The following GGACT variants were observed in gnomAD, a reference collection of about 807,000 sequenced individuals.
The protein encoded by GGACT is gamma-glutamylaminecyclotransferase.
For synonymous variants in GGACT, 118 were observed against 115.3 expected (o/e 1.02, Z -0.15); for missense variants, 241 against 233.2 (o/e 1.03, Z -0.22).
At chr13:100,586,783 A>C (rs922095619) in intron 1 of GGACT, 2 of 152,342 alleles carry the variant, frequency 1.3e-5, no homozygotes, top group Admixed American at 1.3e-4. Flanking sequence ...AATCCCAGAG[A>C]CTTCCAATAG....
At chr13:100,561,343 T>G (rs532981470) in intron 2 of GGACT, among the ~76,000 whole-genome samples, 3 of 152,358 alleles carry the variant, frequency 2.0e-5, no homozygotes, top group East Asian at 1.9e-4. Context: ...GAATTATTTC[T>G]CAATAAAGCA....
At chr13:100,533,261 G>C (rs1226370892) in intron 2 of GGACT, 1 of 154,588 alleles carries the variant, frequency 6.5e-6, no homozygotes, top group African/African-American at 2.4e-5. Flanking sequence ...AACTACCCCT[G>C]CTCCTGAGCC....
chr13:100,562,991 T>A (rs1021962754), intron 2 of GGACT, among the ~76,000 whole-genome samples: 1 of 152,042 alleles, frequency 6.6e-6, no homozygotes, highest in Non-Finnish European at 1.5e-5. Flanking sequence ...GCAAGCAGAC[T>A]CCACACAATC....
At chr13:100,551,033 CCAGCA>C (rs1594188713) in intron 2 of GGACT, among the ~76,000 whole-genome samples, 2 of 152,250 alleles carry the variant, frequency 1.3e-5, no homozygotes, top group African/African-American at 4.8e-5. Context: ...GCCTGTAATT[CCAGCA>C]CTTTGGGAGG....
intron 2 of GGACT, among the ~76,000 whole-genome samples, chr13:100,573,897 A>C (rs1189744978): frequency 6.6e-6 from 1 of 151,900 alleles, no homozygotes; most frequent in Middle Eastern, 3.4e-3. Flanking sequence ...AAAAAAAAAA[A>C]AAACATGCTG....
intron 2 of GGACT, among the ~76,000 whole-genome samples, chr13:100,553,059 C>G (rs1176632835): frequency 1.3e-5 from 2 of 152,140 alleles, no homozygotes; most frequent in Non-Finnish European, 2.9e-5. Flanking sequence ...TGCCAGCAGG[C>G]AGGGCGAGGC....
intron 2 of GGACT, among the ~76,000 whole-genome samples, chr13:100,578,145 G>A (rs1180069010): frequency 6.6e-6 from 1 of 152,122 alleles, no homozygotes; most frequent in Non-Finnish European, 1.5e-5. Context: ...GGAAATGTCC[G>A]AACACCAAGT....
rs942672053 is a variant in GGACT at position 100,532,229 on chromosome 13, C to G, written c.363G>C (p.Arg121Ser). The change falls in exon 3 of 3, where the codon AGG becomes AGC. Residue 121 changes from arginine to serine, a missense_variant. Coordinates refer to ENST00000683975, the MANE Select transcript of GGACT (RefSeq NM_001195087.2). ...GGGCCCACTCCGGCGGGAAGGTGGC[C>G]CTGCTGTACACGAAGCACTGCACCG... ...PTAVQCFVYS[R>S]ATFPPEWAQL... is the part of the protein sequence containing the mutation. The G allele has an allele frequency of 1.3e-6, 2 of 1,491,870 alleles. No individual in the cohort carries two copies. The highest frequency in any genetic ancestry group is 1.8e-6 in the Non-Finnish European group (2 of 1,113,774). The allele number at this position is 1,491,870 out of a possible 1,614,324, so 92.4% of individuals were successfully genotyped here.
intron 1 of GGACT, among the ~76,000 whole-genome samples, chr13:100,586,005 G>C (rs531458365): frequency 6.6e-6 from 1 of 152,088 alleles, no homozygotes; most frequent in Non-Finnish European, 1.5e-5. Flanking sequence ...AAATAAAAAG[G>C]TAACAGTCAA....
At chr13:100,568,218 C>CT (rs1167976135) in intron 2 of GGACT, among the ~76,000 whole-genome samples, 6 of 152,230 alleles carry the variant, frequency 3.9e-5, no homozygotes, top group African/African-American at 1.4e-4. Flanking sequence ...CAACATCCTG[C>CT]TGTCAGGGGT....
intron 2 of GGACT, among the ~76,000 whole-genome samples, chr13:100,550,347 CA>C (rs1566532532): frequency 1.3e-4 from 6 of 46,100 alleles, no homozygotes; most frequent in East Asian, 8.1e-4. Flanking sequence ...CACACACACA[CA>C]CACACACCAC....
intron 2 of GGACT, among the ~76,000 whole-genome samples, chr13:100,551,263 G>T (rs2088661401): frequency 6.6e-6 from 1 of 151,664 alleles, no homozygotes; most frequent in African/African-American, 2.4e-5. Context: ...CAGCCTGGGC[G>T]ACAGAGCGAG....
At position 100,544,957 on chromosome 13, in the gene GGACT, G is replaced by A. The variant is rs540997275; in HGVS notation, c.-10-12356C>T. On this transcript the variant is annotated intron_variant, in intron 2 of 2. Transcript: ENST00000683975. ...GCCATGGCCCCAAATTCCAGGCACGGCAGCAGGAGCGGAGGTGCTGCCAGC... is the reference window on the plus strand; with the variant it reads ...GCCATGGCCCCAAATTCCAGGCACGACAGCAGGAGCGGAGGTGCTGCCAGC... 2.0e-5 allele frequency among the ~76,000 whole-genome samples: 3 copies of A among 152,364 alleles called. No homozygotes were observed. The South Asian group carries it at 6.2e-4, about 32-fold the overall frequency.
At chr13:100,555,599 C>G (rs1270357466) in intron 2 of GGACT, among the ~76,000 whole-genome samples, 2 of 151,822 alleles carry the variant, frequency 1.3e-5, no homozygotes, top group Non-Finnish European at 2.9e-5. Context: ...CTTTGGGAGA[C>G]AGAGGCAGGA....
At chr13:100,563,250 G>A (rs139946099) in intron 2 of GGACT, among the ~76,000 whole-genome samples, 1 of 152,280 alleles carries the variant, frequency 6.6e-6, no homozygotes, top group Non-Finnish European at 1.5e-5. Context: ...TGCATCCACT[G>A]ATCCAGAACA....
intron 2 of GGACT, among the ~76,000 whole-genome samples, chr13:100,543,587 G>A (rs1280578925): frequency 1.3e-5 from 2 of 152,156 alleles, no homozygotes; most frequent in Non-Finnish European, 2.9e-5. Context: ...TTTCATGACA[G>A]GAGGAAATGT....
chr13:100,574,994 C>CA, intron 2 of GGACT, among the ~76,000 whole-genome samples: 1 of 152,166 alleles, frequency 6.6e-6, no homozygotes, highest in Admixed American at 6.5e-5. Flanking sequence ...TGTCTGTCCT[C>CA]AGTCTTCCTT....
At chr13:100,571,195 G>A (rs1875072451) in intron 2 of GGACT, among the ~76,000 whole-genome samples, 1 of 152,210 alleles carries the variant, frequency 6.6e-6, no homozygotes, top group Non-Finnish European at 1.5e-5. Context: ...ATGGGAACTG[G>A]CACATGAGAA....
chr13:100,587,309 A>C (rs912534775), intron 1 of GGACT, among the ~76,000 whole-genome samples: 1 of 152,202 alleles, frequency 6.6e-6, no homozygotes, highest in Non-Finnish European at 1.5e-5. Context: ...TATCCAGATC[A>C]CCACAAACAA....
Sources: gnomAD v4.1 joint callset for allele counts (sites outside exome capture counted in the v4.1 genomes callset) on GRCh38, gnomAD v4.1.1 for gene constraint, MANE v1.5 for transcripts, NCBI Gene and HGNC (gene_info 2026-07-23, HGNC 2026-07-21) for gene names.